The following CTNND2 variants were observed in gnomAD, a reference collection of about 807,000 sequenced individuals.
CTNND2 encodes the protein catenin delta-2.
A neutral mutation model predicts 144.4 loss-of-function variants in CTNND2; 22 were observed. The ratio of observed to expected loss-of-function variants is 0.15; its 90% CI spans 0.11 to 0.22. CTNND2 has a LOEUF of 0.22. Ranked by LOEUF, CTNND2 falls within the 10% of genes least tolerant of loss-of-function variation. The pLI is 1.00. For missense variants in CTNND2, 1,353 were observed against 1,618.8 expected (o/e 0.84, Z 2.82); for synonymous variants, 751 against 695.6 (o/e 1.08, Z -1.25).
intron 3 of CTNND2, among the ~76,000 whole-genome samples, chr5:11,453,526 T>A (rs994472826): frequency 1.3e-5 from 2 of 151,816 alleles, no homozygotes; most frequent in Non-Finnish European, 2.9e-5. Context: ...TCATAGGAGG[T>A]TTCAGCCGAA....
chr5:11,777,768 G>T (rs976977558), intron 1 of CTNND2, among the ~76,000 whole-genome samples: 4 of 152,072 alleles, frequency 2.6e-5, no homozygotes, highest in Non-Finnish European at 4.4e-5. Context: ...AATTTCCCCT[G>T]GAGAACTGGT....
chr5:11,002,149 C>T (rs1740022946), intron 18 of CTNND2, among the ~76,000 whole-genome samples: 1 of 152,216 alleles, frequency 6.6e-6, no homozygotes, highest in South Asian at 2.1e-4. Flanking sequence ...GGGCTGGGTA[C>T]AGCAGTCCAC....
chr5:11,149,353 A>T (rs1267051510), intron 12 of CTNND2, among the ~76,000 whole-genome samples: 1 of 152,232 alleles, frequency 6.6e-6, no homozygotes, highest in Non-Finnish European at 1.5e-5. Flanking sequence ...GGCAGGCAAC[A>T]TGTAACCCCG....
chr5:11,628,435 G>T (rs1055767538), intron 2 of CTNND2, among the ~76,000 whole-genome samples: 3 of 152,266 alleles, frequency 2.0e-5, no homozygotes, highest in African/African-American at 7.2e-5. Flanking sequence ...TGTAAAAGAT[G>T]AGGCAATTGA....
At chr5:11,317,791 C>T (rs940664365) in intron 9 of CTNND2, among the ~76,000 whole-genome samples, 1 of 151,956 alleles carries the variant, frequency 6.6e-6, no homozygotes, top group Non-Finnish European at 1.5e-5. Context: ...GCTCAAGTAA[C>T]CCTAAAATTA....
chr5:11,674,328 T>G (rs1784056911), intron 2 of CTNND2, among the ~76,000 whole-genome samples: 1 of 152,224 alleles, frequency 6.6e-6, no homozygotes, highest in Non-Finnish European at 1.5e-5. Context: ...AACAGATTTT[T>G]TTCACATATG....
chr5:11,687,475 C>T (rs544288859), intron 2 of CTNND2, among the ~76,000 whole-genome samples: 1 of 152,320 alleles, frequency 6.6e-6, no homozygotes, highest in African/African-American at 2.4e-5. Flanking sequence ...AAACCTGCTG[C>T]CCCCACTTAG....
intron 8 of CTNND2, among the ~76,000 whole-genome samples, chr5:11,348,982 T>C (rs897721684): frequency 6.6e-6 from 1 of 152,170 alleles, no homozygotes; most frequent in African/African-American, 2.4e-5. Context: ...CAGGGAAATG[T>C]CCTGGAGCTC....
rs1304472254 is a variant in CTNND2 at position 11,022,992 on chromosome 5, AT to A, written c.2789-14del. The stretch of plus-strand genomic sequence containing the variant: ...ATGGCGTATTTGCCTGGAAAAGAAA[AT>A]AAAGAGAAGAGTTGAAAGGAGGTCA... On this transcript the variant is annotated splice_polypyrimidine_tract_variant and intron_variant, in intron 16 of 21. Transcript: ENST00000304623. 1 of 1,613,448 alleles carries A rather than the reference AT, an allele frequency of 6.2e-7. No individual in the cohort carries two copies. The highest frequency in any genetic ancestry group is 8.5e-7 in the Non-Finnish European group (1 of 1,179,540).
rs1387727042 is a variant in CTNND2, at chr5:10,988,598, C to T, written c.3212-356G>A. Among the ~76,000 whole-genome samples the T allele has an allele frequency of 6.6e-6, 1 of 152,162 alleles. No individual in the cohort carries two copies. Among genetic ancestry groups the T allele is most frequent in the East Asian group, 1.9e-4 (1 of 5,194 alleles). On this transcript the variant is annotated intron_variant, in intron 19 of 21. Coordinates refer to ENST00000304623, the MANE Select transcript of CTNND2 (RefSeq NM_001332.4). The surrounding 1 kb of genome is among the most constrained non-coding windows in gnomAD (Gnocchi z 5.9). ...GACTGCTTTTGGTTTCTTCCTTTCT[C>T]TTCTCTTTTCCTTCCCTTTCCTTCC... is the stretch of plus-strand genomic sequence containing the variant.
chr5:11,343,593 CAT>C (rs1372717928), intron 9 of CTNND2, among the ~76,000 whole-genome samples: 2 of 152,164 alleles, frequency 1.3e-5, no homozygotes, highest in Non-Finnish European at 2.9e-5. Flanking sequence ...TTCGTGCCAA[CAT>C]GTGCTGCAGT....
chr5:11,053,231 T>G (rs1433940368), intron 16 of CTNND2, among the ~76,000 whole-genome samples: 1 of 152,240 alleles, frequency 6.6e-6, no homozygotes, highest in Non-Finnish European at 1.5e-5. Context: ...CTTTGATGTT[T>G]TTGTATGCAG....
intron 14 of CTNND2, among the ~76,000 whole-genome samples, chr5:11,100,473 C>G (rs1275973031): frequency 6.6e-6 from 1 of 152,132 alleles, no homozygotes; most frequent in Non-Finnish European, 1.5e-5. Context: ...TCACATTGCT[C>G]CTAGTTCATT....
chr5:11,790,965 C>T (rs1487758820), intron 1 of CTNND2, among the ~76,000 whole-genome samples: 2 of 152,114 alleles, frequency 1.3e-5, no homozygotes, highest in Non-Finnish European at 2.9e-5. Flanking sequence ...TGAGGTTACA[C>T]TGGGATGGGA....
At chr5:11,577,306 T>C (rs1227217886) in intron 2 of CTNND2, among the ~76,000 whole-genome samples, 1 of 152,232 alleles carries the variant, frequency 6.6e-6, no homozygotes, top group Non-Finnish European at 1.5e-5. Flanking sequence ...GATACGAGCA[T>C]AAAATTAATT....
At chr5:11,741,294 A>G (rs1179156321) in intron 1 of CTNND2, among the ~76,000 whole-genome samples, 2 of 152,202 alleles carry the variant, frequency 1.3e-5, no homozygotes, top group African/African-American at 4.8e-5. Context: ...CACTATGCAC[A>G]ATAGCAAAGA....
At chr5:11,328,915 T>G (rs258840) in intron 9 of CTNND2, among the ~76,000 whole-genome samples, 115,268 of 152,082 alleles carry the variant, frequency 0.76, 43,883 homozygotes, top group South Asian at 0.86. Flanking sequence ...ATCCCAGATT[T>G]GGTGCTTAAA....
At chr5:11,124,477 A>G (rs1470782356) in intron 12 of CTNND2, among the ~76,000 whole-genome samples, 2 of 152,196 alleles carry the variant, frequency 1.3e-5, no homozygotes, top group African/African-American at 4.8e-5. Context: ...TTGCTTCAAA[A>G]ACATTAAATT....
At chr5:11,262,854 C>A (rs996173648) in intron 9 of CTNND2, among the ~76,000 whole-genome samples, 1 of 151,016 alleles carries the variant, frequency 6.6e-6, no homozygotes, top group Non-Finnish European at 1.5e-5. Flanking sequence ...CATTCACAGG[C>A]TGAACTTCTG....
Sources: gnomAD v4.1 joint callset for allele counts (sites outside exome capture counted in the v4.1 genomes callset) on GRCh38, gnomAD v4.1.1 for gene constraint, Gnocchi (gnomAD v3.1) non-coding constraint, MANE v1.5 for transcripts, NCBI Gene and HGNC (gene_info 2026-07-23, HGNC 2026-07-21) for gene names.